FOXP2: variants seen among roughly 807,000 people sequenced by gnomAD.
FOXP2 encodes forkhead box P2.
FOXP2 carries 12 observed loss-of-function variants against 115.8 expected under a neutral mutation model. That is an observed-to-expected ratio of 0.10 (90% CI 0.07 to 0.17). FOXP2 has a LOEUF of 0.17. Ranked by LOEUF, FOXP2 falls within the 10% of genes least tolerant of loss-of-function variation. The pLI, the probability that FOXP2 is intolerant of heterozygous loss-of-function variation, is 1.00. For synonymous variants in FOXP2, 328 were observed against 297.7 expected, an observed-to-expected ratio of 1.10 and a Z score of -1.05; for missense variants, 629 against 843.5, an observed-to-expected ratio of 0.75 and a Z score of 3.15.
chr7:114,551,288 G>A (rs1211905618), intron 3 of FOXP2, among the ~76,000 whole-genome samples: 1 of 152,030 alleles, frequency 6.6e-6, no homozygotes, highest in Non-Finnish European at 1.5e-5. Context: ...GTACCATAGG[G>A]GATTCAAAGA....
intron 3 of FOXP2, among the ~76,000 whole-genome samples, chr7:114,614,123 G>A (rs1047172246): frequency 2.0e-5 from 3 of 152,160 alleles, no homozygotes; most frequent in East Asian, 1.9e-4. Flanking sequence ...AATACGTTCC[G>A]TTTTAATTTT....
At chr7:114,467,653 A>G (rs906337568) in intron 2 of FOXP2, among the ~76,000 whole-genome samples, 7 of 152,152 alleles carry the variant, frequency 4.6e-5, no homozygotes, top group African/African-American at 1.7e-4. Flanking sequence ...CACATCGCAT[A>G]CCCTATTATA....
intron 16 of FOXP2, among the ~76,000 whole-genome samples, chr7:114,675,022 ATGTTAAATAAACTAAAACAT>A (rs1807684074): frequency 6.6e-6 from 1 of 152,124 alleles, no homozygotes; most frequent in Non-Finnish European, 1.5e-5. Context: ...TTTCTGTGAT[ATGTTAAATAAACTAAAACAT>A]TGCCCAAGTG....
chr7:114,174,232 C>T (rs1793227011), intron 1 of FOXP2, among the ~76,000 whole-genome samples: 1 of 151,976 alleles, frequency 6.6e-6, no homozygotes, highest in African/African-American at 2.4e-5. Context: ...GTTGTCTTCT[C>T]TCTCTCTCTA....
intron 2 of FOXP2, among the ~76,000 whole-genome samples, chr7:114,522,489 C>A (rs1034649521): frequency 2.0e-5 from 3 of 152,094 alleles, no homozygotes; most frequent in African/African-American, 4.8e-5. Flanking sequence ...CAACAGGCAA[C>A]CATTTTCTAA....
At chr7:114,587,096 C>T (rs771092970) in intron 3 of FOXP2, among the ~76,000 whole-genome samples, 2 of 150,310 alleles carry the variant, frequency 1.3e-5, no homozygotes, top group African/African-American at 2.5e-5. Context: ...TTCTGGGATA[C>T]GTGTGCAGAA....
At chr7:114,462,206 G>A (rs1186478883) in intron 2 of FOXP2, among the ~76,000 whole-genome samples, 4 of 146,712 alleles carry the variant, frequency 2.7e-5, no homozygotes, top group South Asian at 2.3e-4. Flanking sequence ...GCTTGAACCC[G>A]GGAGGCGGAG....
upstream of FOXP2, among the ~76,000 whole-genome samples, chr7:114,158,591 G>A (rs1433528354): frequency 6.6e-5 from 10 of 151,916 alleles, no homozygotes; most frequent in African/African-American, 1.9e-4. Context: ...TTTGTCCTGC[G>A]CCTTGCCTAA....
At chr7:114,356,432 G>C (rs1186231848) in intron 2 of FOXP2, among the ~76,000 whole-genome samples, 1 of 152,084 alleles carries the variant, frequency 6.6e-6, no homozygotes, top group Admixed American at 6.6e-5. Context: ...TCTCTCCGTG[G>C]CTAAAACTAA....
intron 2 of FOXP2, among the ~76,000 whole-genome samples, chr7:114,453,345 TC>T (rs2129220068): frequency 6.6e-6 from 1 of 152,234 alleles, no homozygotes; most frequent in African/African-American, 2.4e-5. Context: ...TGCATTTAAG[TC>T]CTTTGATTTT....
At chr7:114,597,189 A>C (rs992919053) in intron 3 of FOXP2, among the ~76,000 whole-genome samples, 3 of 152,104 alleles carry the variant, frequency 2.0e-5, no homozygotes, top group Non-Finnish European at 4.4e-5. Context: ...ATGTAAATAT[A>C]AAAGGTTAGA....
chr7:114,090,863 G>T (rs1269245501), intron 1 of FOXP2, among the ~76,000 whole-genome samples: 1 of 150,794 alleles, frequency 6.6e-6, no homozygotes, highest in Non-Finnish European at 1.5e-5. Flanking sequence ...TCTTATGGAG[G>T]TATTCTAGAC....
chr7:114,645,505 T>G (rs556668318), intron 8 of FOXP2: 1 of 152,200 alleles, frequency 6.6e-6, no homozygotes, highest in East Asian at 1.9e-4. Flanking sequence ...ATCTTCATCT[T>G]TCATGAAATG....
chr7:114,101,049 A>AG (rs1790936499), intron 1 of FOXP2, among the ~76,000 whole-genome samples: 2 of 152,088 alleles, frequency 1.3e-5, no homozygotes, highest in African/African-American at 4.8e-5. Flanking sequence ...TGTTACTAAT[A>AG]TTATAGCAAG....
At chr7:114,339,529 A>G (rs1220832903) in intron 2 of FOXP2, among the ~76,000 whole-genome samples, 2 of 151,020 alleles carry the variant, frequency 1.3e-5, no homozygotes, top group African/African-American at 2.4e-5. Context: ...ATTTTTTGCT[A>G]CATCATGGGT....
intron 1 of FOXP2, among the ~76,000 whole-genome samples, chr7:114,189,660 A>AATATATAGTTT (rs1793705460): frequency 6.6e-6 from 1 of 152,178 alleles, no homozygotes; most frequent in South Asian, 2.1e-4. Context: ...ATATATAGTT[A>AATATATAGTTT]ATATATAGTT....
intron 2 of FOXP2, among the ~76,000 whole-genome samples, chr7:114,388,448 C>T (rs1430330236): frequency 6.6e-6 from 1 of 150,438 alleles, no homozygotes; most frequent in Non-Finnish European, 1.5e-5. Flanking sequence ...TAGACCTTCT[C>T]AGAAAGTAGA....
intron 1 of FOXP2, among the ~76,000 whole-genome samples, chr7:114,255,197 C>A (rs1338540386): frequency 0.041 from 3 of 74 alleles, no homozygotes; most frequent in Admixed American, 0.25. Context: ...TGTCAGTCTG[C>A]CCCTACTGGC....
chr7:114,597,611 A>C (rs1802798360), intron 3 of FOXP2, among the ~76,000 whole-genome samples: 1 of 152,122 alleles, frequency 6.6e-6, no homozygotes, highest in Admixed American at 6.6e-5. Flanking sequence ...GAGTTGTGTA[A>C]GTTGTGTCCA....
Sources: allele counts gnomAD v4.1 joint callset (sites outside exome capture counted in the v4.1 genomes callset), GRCh38; gene constraint gnomAD v4.1.1; transcripts MANE v1.5; gene names NCBI Gene and HGNC (gene_info 2026-07-23, HGNC 2026-07-21).